STK11IP: variants seen among roughly 807,000 people sequenced by gnomAD.
STK11IP encodes the protein serine/threonine kinase 11 interacting protein.
Under a neutral mutation model 131.7 loss-of-function variants are expected in STK11IP, and 103 were observed. That is an observed-to-expected ratio of 0.78 (90% CI 0.67 to 0.92). The LOEUF is 0.92. Ranked by LOEUF, STK11IP falls within the 40% of genes least tolerant of loss-of-function variation. The pLI, the probability that STK11IP is intolerant of heterozygous loss-of-function variation, is 0.00. For missense variants in STK11IP, 1,315 were observed against 1,385.7 expected, an observed-to-expected ratio of 0.95 and a Z score of 0.81; for synonymous variants, 557 against 575.6, an observed-to-expected ratio of 0.97 and a Z score of 0.46.
chr2:219,606,968 T>C, intron 12 of STK11IP, 85 bp from the exon 13 acceptor site: 1 of 1,603,190 alleles, frequency 6.2e-7, no homozygotes, highest in Non-Finnish European at 8.5e-7. Context: ...TGGTCAAGGT[T>C]TCTTTGATAG....
In STK11IP at chr2:219,615,304, C is replaced by T. The variant is rs779762380; in HGVS notation, c.3080C>T (p.Ser1027Leu). 6.9e-6 allele frequency: 11 copies of T among 1,602,734 alleles called. No homozygotes were observed. Among genetic ancestry groups the T allele is most frequent in the South Asian group, 3.3e-5 (3 of 90,756 alleles). The change falls in exon 24 of 25, where the codon TCA (serine) becomes TTA (leucine). Residue 1027 changes from serine to leucine, a missense_variant. Transcript: ENST00000456909. ...CTGAGCTCCGTGCTGCTCTACCGCT[C>T]AGCCCCTGAGGACTTGCGGCTGCTC... ...SSLSSVLLYR[S>L]APEDLRLLFY...
At position 219,613,787 on chromosome 2, in the gene STK11IP, C is replaced by T. The variant is rs757887329; in HGVS notation, c.2573C>T (p.Ala858Val). 1 of 1,612,368 alleles carries T rather than the reference C, an allele frequency of 6.2e-7. No individual in the cohort carries two copies. Among genetic ancestry groups the T allele is most frequent in the South Asian group, 1.1e-5 (1 of 91,082 alleles). Reference protein sequence around the residue: ...PPASWLQLTLAVPLQDLSGIE... With the variant: ...PPASWLQLTLVVPLQDLSGIE... ...GCTAGCTGGCTGCAGCTGACCCTGGCTGTTCCCCTGCAGGATCTGAGTGGC... is the reference window on the plus strand; with the variant it reads ...GCTAGCTGGCTGCAGCTGACCCTGGTTGTTCCCCTGCAGGATCTGAGTGGC... The change falls in exon 21 of 25, where the codon GCT becomes GTT. Residue 858 changes from alanine to valine, a missense_variant. By Grantham distance (64) the Ala-to-Val change is moderately conservative (BLOSUM62 0). Coordinates refer to ENST00000456909, the MANE Select transcript of STK11IP (RefSeq NM_052902.4).
At position 219,598,200 on chromosome 2, in the gene STK11IP, G is replaced by A; in HGVS notation, c.61+20G>A. 1.3e-6 allele frequency: 2 copies of A among 1,531,728 alleles called. No individual in the cohort carries two copies. The highest frequency in any genetic ancestry group is 2.1e-5 in the Admixed American group (1 of 47,780). 94.9% of individuals were successfully genotyped at this position (1,531,728 alleles called of 1,614,324 possible). On this transcript the variant is annotated intron_variant, in intron 2 of 24. Coordinates refer to ENST00000456909, the MANE Select transcript of STK11IP (RefSeq NM_052902.4). Reference sequence around the variant, plus strand: ...AGTCCGGTGAGTGGACTTCCGGTTGGGCTGGGCCTCGGACCTCGGACGAGG... The same window carrying A: ...AGTCCGGTGAGTGGACTTCCGGTTGAGCTGGGCCTCGGACCTCGGACGAGG...
In STK11IP at chr2:219,601,219, G is replaced by C. The variant is rs1237607230; in HGVS notation, c.62-16G>C. 6.2e-7 allele frequency: 1 copy of C among 1,601,674 alleles called. No homozygotes were observed. Among genetic ancestry groups the C allele is most frequent in the Admixed American group, 1.7e-5 (1 of 59,102 alleles). On this transcript the variant is annotated splice_polypyrimidine_tract_variant and intron_variant, in intron 2 of 24. Coordinates refer to ENST00000456909, the MANE Select transcript of STK11IP (RefSeq NM_052902.4). ...TTTCACTGTGTCTTCCCTCCTGTTT[G>C]CCCCTTTTTCTGCAGGGGATGTGGT...
At position 219,601,699 on chromosome 2, in the gene STK11IP, C is replaced by T. The variant is rs1697991534; in HGVS notation, c.326C>T (p.Ser109Phe). 6.2e-7 allele frequency: 1 copy of T among 1,602,002 alleles called. No homozygotes were observed. The highest frequency in any genetic ancestry group is 8.5e-7 in the Non-Finnish European group (1 of 1,174,050). Residue 109 changes from serine to phenylalanine, a missense_variant, in exon 4 of 25, where the codon TCC becomes TTC. Physicochemically the swap from Ser to Phe is radical, Grantham distance 155 (BLOSUM62 -2). Coordinates refer to ENST00000456909, the MANE Select transcript of STK11IP (RefSeq NM_052902.4). ...TGPIKIFPFK[S>F]LRHLELRGVP... ...CCCATCAAGATTTTCCCCTTCAAAT[C>T]CCTTCGGCACCTGGAGGTATGGGGA... is the stretch of plus-strand genomic sequence containing the variant.
intron 22 of STK11IP, 90 bp from the exon 23 acceptor site, chr2:219,614,386 A>T: frequency 6.5e-7 from 1 of 1,534,730 alleles, no homozygotes; most frequent in East Asian, 2.3e-5. Flanking sequence ...TCTCCTCCCA[A>T]CCCCCTGCAG....
At position 219,606,241 on chromosome 2, in the gene STK11IP, C is replaced by A; in HGVS notation, c.896C>A (p.Ala299Glu). ...NPLWFHPEHR[A>E]ATAQYLSPRA... ...CTTTGGTTCCACCCTGAGCACCGAG[C>A]AGCCACTGCCCAGTACTTGTCACCC... Residue 299 changes from alanine (A) to glutamate (E), a missense_variant, in exon 10 of 25, where the codon GCA (alanine) becomes GAA (glutamate). Ala to Glu is a moderately radical substitution (Grantham distance 107). Transcript: ENST00000456909. 4 of 1,572,980 alleles carry A rather than the reference C, an allele frequency of 2.5e-6. No homozygotes were observed. Among genetic ancestry groups the A allele is most frequent in the Non-Finnish European group, 3.5e-6 (4 of 1,158,998 alleles).
At position 219,602,548 on chromosome 2, in the gene STK11IP, T is replaced by A; in HGVS notation, c.519T>A (p.Asn173Lys). The change falls in exon 6 of 25, where the codon AAT (asparagine) becomes AAA (lysine). Residue 173 changes from asparagine (N) to lysine (K), a missense_variant. Asn to Lys is a moderately conservative substitution (Grantham distance 94). Transcript: ENST00000456909. ...TGCTTTCTGCCAACTTCAGCTACAA[T>A]GCACTGACCGCCTTAGACAGCTCCC... ...LALLSANFSYNALTALDSSLR... is the reference protein window; with the variant it reads ...LALLSANFSYKALTALDSSLR... 1 of 1,614,032 alleles carries A rather than the reference T, an allele frequency of 6.2e-7. No individual in the cohort carries two copies. Among genetic ancestry groups the A allele is most frequent in the South Asian group, 1.1e-5 (1 of 91,084 alleles).
chr2:219,615,064 C>T (rs1698528900), intron 23 of STK11IP, 30 bp from the exon 24 acceptor site: 3 of 1,598,010 alleles, frequency 1.9e-6, no homozygotes, highest in Non-Finnish European at 2.6e-6. Flanking sequence ...CCTCCATGAC[C>T]TTCCACACTG....
intron 4 of STK11IP, 35 bp from the exon 5 acceptor site, chr2:219,601,953 G>T: frequency 6.4e-7 from 1 of 1,559,710 alleles, no homozygotes; most frequent in Non-Finnish European, 8.8e-7. Context: ...CTTCTGTGGG[G>T]TTCTGCCTTC....
In STK11IP at chr2:219,605,642, A is replaced by G. The variant is rs964157426; in HGVS notation, c.653A>G (p.Tyr218Cys). The G allele has an allele frequency of 3.2e-6, 5 of 1,553,322 alleles. No individual in the cohort carries two copies. The highest frequency in any genetic ancestry group is 1.2e-5 in the South Asian group (1 of 84,136). ...GAGCTCCACCATCTGGACATCTCCT[A>G]TAATCGCCTGCATTTGGTGCCAAGA... Reference protein sequence around the residue: ...LCELHHLDISYNRLHLVPRMG... With the variant: ...LCELHHLDISCNRLHLVPRMG... The change falls in exon 8 of 25, where the codon TAT becomes TGT. Residue 218 changes from tyrosine (Y) to cysteine (C), a missense_variant. By Grantham distance (194) the Tyr-to-Cys change is radical. Coordinates refer to ENST00000456909, the MANE Select transcript of STK11IP (RefSeq NM_052902.4).
Position 219,608,123 on chromosome 2 carries a change from G to A in STK11IP, c.1296G>A (p.Gln432=), listed in dbSNP as rs1412119446. The A allele has an allele frequency of 6.2e-7, 1 of 1,613,410 alleles. No homozygotes were observed. The highest frequency in any genetic ancestry group is 8.5e-7 in the Non-Finnish European group (1 of 1,179,904). ...FRERFGRNWL[Q]YRSHLEPSGN... ...AACGGTTCGGCCGCAACTGGCTGCA[G>A]TACAGGAGTCACCTGGAGCCCTCCG... The change falls in exon 14 of 25, where the codon CAG becomes CAA. Residue 432 remains glutamine, a synonymous_variant. Transcript: ENST00000456909.
At position 219,601,677 on chromosome 2, in the gene STK11IP, A is replaced by G. The variant is rs200836374; in HGVS notation, c.304A>G (p.Ile102Val). 149 of 1,598,742 alleles carry G rather than the reference A, an allele frequency of 9.3e-5. No individual in the cohort carries two copies. In the African/African-American group the frequency reaches 1.7e-3, roughly 18 times the overall value. ...HVAGPGPTGP[I>V]KIFPFKSLRH... The stretch of plus-strand genomic sequence containing the variant: ...TGCTGGTCCTGGCCCCACAGGGCCC[A>G]TCAAGATTTTCCCCTTCAAATCCCT... The change falls in exon 4 of 25, where the codon ATC (isoleucine) becomes GTC (valine). Residue 102 changes from isoleucine (I) to valine (V), a missense_variant. By Grantham distance (29) the Ile-to-Val change is conservative. Transcript: ENST00000456909.
At chr2:219,610,709 C>G (rs527325081) in intron 17 of STK11IP, among the ~76,000 whole-genome samples, 1 of 152,230 alleles carries the variant, frequency 6.6e-6, no homozygotes, top group South Asian at 2.1e-4. Flanking sequence ...AACCATTCTC[C>G]TTTCACTTGC....
chr2:219,611,654 G>A lies in STK11IP; in HGVS notation c.2155G>A (p.Ala719Thr), dbSNP rs199930908. ...NCGSDHVVLL[A>T]VSRGTPNRER... ...TGGTAGTGACCACGTGGTTCTCCTC[G>A]CTGTGTCTCGGGGAACCCCCAACAG... is the stretch of plus-strand genomic sequence containing the variant. Residue 719 changes from alanine to threonine, a missense_variant, in exon 18 of 25, where the codon GCT becomes ACT. Coordinates refer to ENST00000456909, the MANE Select transcript of STK11IP (RefSeq NM_052902.4). The A allele has an allele frequency of 2.1e-5, 34 of 1,613,150 alleles. No individual in the cohort carries two copies. Among genetic ancestry groups the A allele is most frequent in the Admixed American group, 8.3e-5 (5 of 60,014 alleles).
chr2:219,613,006 A>T lies in STK11IP; in HGVS notation c.2440-122A>T, dbSNP rs990356200. 15 of 687,436 alleles carry T rather than the reference A, an allele frequency of 2.2e-5. No individual in the cohort carries two copies. In the Admixed American group the frequency reaches 2.8e-4, roughly 13 times the overall value. The allele number at this position is 687,436 out of a possible 1,614,324, so 42.6% of individuals were successfully genotyped here. A position where few individuals can be genotyped will look rare whatever the true frequency, so the allele number is the denominator to read the frequency against. ...GTCGAGTGTGAGGGAAGCTCCATAGACTGGTGGGTGGGCAGTGGGAGGGTC... is the reference window on the plus strand; with the variant it reads ...GTCGAGTGTGAGGGAAGCTCCATAGTCTGGTGGGTGGGCAGTGGGAGGGTC... On this transcript the variant is annotated intron_variant, in intron 19 of 24. Coordinates refer to ENST00000456909, the MANE Select transcript of STK11IP (RefSeq NM_052902.4).
intron 24 of STK11IP, chr2:219,615,557 G>C (rs1698547234): frequency 1.6e-5 from 11 of 686,054 alleles, no homozygotes; most frequent in Non-Finnish European, 2.8e-5. Flanking sequence ...GAGACACCTG[G>C]ACTGGGAGCC....
chr2:219,608,267 G>C lies in STK11IP; in HGVS notation c.1440G>C (p.Gln480His), dbSNP rs768288638. ...SPPQEEARGPQESPQKMSEEV... is the reference protein window; with the variant it reads ...SPPQEEARGPHESPQKMSEEV... ...CGCAGGAGGAAGCCAGAGGCCCCCA[G>C]GAGTCACCACAGAAAATGTCAGAGG... is the stretch of plus-strand genomic sequence containing the variant. The change falls in exon 14 of 25, where the codon CAG (glutamine) becomes CAC (histidine). Residue 480 changes from glutamine to histidine, a missense_variant. Transcript: ENST00000456909. 3.1e-6 allele frequency: 5 copies of C among 1,613,264 alleles called. No homozygotes were observed. The highest frequency in any genetic ancestry group is 1.7e-5 in the Admixed American group (1 of 59,962).
chr2:219,606,442 C>T (rs949326509), intron 10 of STK11IP, 34 bp from the exon 11 acceptor site: 1 of 1,603,626 alleles, frequency 6.2e-7, no homozygotes, highest in East Asian at 2.2e-5. Flanking sequence ...ATGGGCCTAC[C>T]ACATACTCCC....
Sources: gnomAD v4.1 joint callset for allele counts (sites outside exome capture counted in the v4.1 genomes callset) on GRCh38, gnomAD v4.1.1 for gene constraint, MANE v1.5 for transcripts, NCBI Gene and HGNC (gene_info 2026-07-23, HGNC 2026-07-21) for gene names.